Variants in KCNH7 observed in about 807,000 individuals in gnomAD.
KCNH7 encodes potassium voltage-gated channel subfamily H member 7.
In KCNH7, 49 loss-of-function variants were observed where a neutral mutation model predicts 120.8. That is an observed-to-expected ratio of 0.41 (90% confidence interval 0.32 to 0.51). KCNH7 has a LOEUF of 0.51. Among genes scored for constraint, KCNH7 ranks in the 20% least tolerant of loss-of-function variants. The pLI is 0.38. For missense variants in KCNH7, 1,097 were observed against 1,446.6 expected, an observed-to-expected ratio of 0.76 and a Z score of 3.92; for synonymous variants, 547 against 516.1, an observed-to-expected ratio of 1.06 and a Z score of -0.81.
chr2:162,676,877 G>A (rs1331603280), intron 2 of KCNH7, among the ~76,000 whole-genome samples: 1 of 151,228 alleles, frequency 6.6e-6, no homozygotes, highest in African/African-American at 2.4e-5. Context: ...GCTTCCCTGG[G>A]AAATATTACT....
chr2:162,399,857 G>A (rs1291927560), intron 10 of KCNH7, among the ~76,000 whole-genome samples: 2 of 151,696 alleles, frequency 1.3e-5, no homozygotes, highest in East Asian at 3.9e-4. Context: ...AGGTGTTGAG[G>A]GATCAAGCAT....
intron 2 of KCNH7, among the ~76,000 whole-genome samples, chr2:162,539,549 T>A (rs1401048881): frequency 1.3e-5 from 2 of 152,096 alleles, no homozygotes; most frequent in Admixed American, 1.3e-4. Context: ...GAAAATTTAC[T>A]GTCTAAATCA....
chr2:162,803,403 T>C (rs1684417577), intron 2 of KCNH7, among the ~76,000 whole-genome samples: 1 of 151,718 alleles, frequency 6.6e-6, no homozygotes, highest in Non-Finnish European at 1.5e-5. Context: ...GTGTGAAATA[T>C]TTTAATGTAT....
intron 2 of KCNH7, among the ~76,000 whole-genome samples, chr2:162,646,015 T>C (rs1457892302): frequency 3.3e-5 from 5 of 152,180 alleles, no homozygotes; most frequent in Admixed American, 6.5e-5. Flanking sequence ...GTGAAATCTA[T>C]AGGGGCTTGA....
chr2:162,423,829 G>A (rs756989466), intron 8 of KCNH7, among the ~76,000 whole-genome samples: 2 of 152,010 alleles, frequency 1.3e-5, no homozygotes, highest in Non-Finnish European at 2.9e-5. Flanking sequence ...AAATGCATTT[G>A]AAATAAACCC....
At chr2:162,449,036 G>C (rs1258930721) in intron 6 of KCNH7, among the ~76,000 whole-genome samples, 1 of 151,962 alleles carries the variant, frequency 6.6e-6, no homozygotes, top group Non-Finnish European at 1.5e-5. Flanking sequence ...GGAAGGGAAG[G>C]ATATTACAAG....
intron 2 of KCNH7, among the ~76,000 whole-genome samples, chr2:162,602,075 C>T (rs569965756): frequency 6.6e-6 from 1 of 152,104 alleles, no homozygotes; most frequent in South Asian, 2.1e-4. Context: ...AGAGGACCCA[C>T]ATAGGAGAAT....
chr2:162,486,893 C>G (rs771644295), intron 6 of KCNH7, among the ~76,000 whole-genome samples: 29 of 152,032 alleles, frequency 1.9e-4, no homozygotes, highest in Non-Finnish European at 3.4e-4. Context: ...ATTTTTAGAA[C>G]CTTAAACATG....
In KCNH7 at chr2:162,605,345, T is replaced by C. The variant is rs375722619; in HGVS notation, c.308-68265A>G. ...ATTAATTACTGTCACAGACTACATG[T>C]TAGGCTAGAGTTCACCTTTAGAAAG... On this transcript the variant is annotated intron_variant, in intron 2 of 15. Transcript: ENST00000332142. 3.9e-5 allele frequency among the ~76,000 whole-genome samples: 6 copies of C among 152,250 alleles called. No homozygotes were observed. The East Asian group carries it at 1.2e-3, about 29-fold the overall frequency.
At chr2:162,758,603 A>T (rs1688868076) in intron 2 of KCNH7, among the ~76,000 whole-genome samples, 1 of 152,092 alleles carries the variant, frequency 6.6e-6, no homozygotes, top group Non-Finnish European at 1.5e-5. Flanking sequence ...CTACATATAC[A>T]TGTATATATA....
intron 6 of KCNH7, among the ~76,000 whole-genome samples, chr2:162,486,684 T>C (rs964979178): frequency 1.3e-5 from 2 of 152,164 alleles, no homozygotes; most frequent in Non-Finnish European, 2.9e-5. Context: ...TTCTAACATA[T>C]TCATGTTTGA....
intron 2 of KCNH7, among the ~76,000 whole-genome samples, chr2:162,743,987 A>G (rs1688226752): frequency 6.6e-6 from 1 of 152,180 alleles, no homozygotes; most frequent in Non-Finnish European, 1.5e-5. Context: ...ATTTCAAGAT[A>G]TTTTACAGAC....
At chr2:162,523,279 C>T (rs182533465) in intron 3 of KCNH7, among the ~76,000 whole-genome samples, 1 of 151,942 alleles carries the variant, frequency 6.6e-6, no homozygotes, top group East Asian at 2.0e-4. Context: ...AGTTGAATAA[C>T]TAACTCACCC....
intron 2 of KCNH7, among the ~76,000 whole-genome samples, chr2:162,624,889 G>GTTTTTTTTTT (rs66562676): frequency 1.4e-5 from 1 of 69,714 alleles, no homozygotes; most frequent in African/African-American, 6.4e-5. Flanking sequence ...TGCACTCTTG[G>GTTTTTTTTTT]TTTTTTTTTT....
chr2:162,712,828 G>C (rs1387057406), intron 2 of KCNH7, among the ~76,000 whole-genome samples: 1 of 152,120 alleles, frequency 6.6e-6, no homozygotes, highest in African/African-American at 2.4e-5. Flanking sequence ...ACTGAGCTTT[G>C]CTAGGCAGAA....
intron 6 of KCNH7, among the ~76,000 whole-genome samples, chr2:162,476,090 A>T (rs1689732049): frequency 1.3e-5 from 2 of 152,168 alleles, no homozygotes; most frequent in Admixed American, 6.5e-5. Flanking sequence ...CCTTGTCCGG[A>T]ACATTTAGAA....
At chr2:162,832,148 A>G (rs886364321) in intron 2 of KCNH7, among the ~76,000 whole-genome samples, 22 of 152,144 alleles carry the variant, frequency 1.4e-4, no homozygotes, top group African/African-American at 5.1e-4. Flanking sequence ...AAATGTATAA[A>G]CAGAAAGTTA....
intron 8 of KCNH7, among the ~76,000 whole-genome samples, chr2:162,430,216 T>G (rs912455886): frequency 3.9e-5 from 6 of 152,022 alleles, no homozygotes; most frequent in African/African-American, 1.4e-4. Context: ...TAATAAGGGT[T>G]TTCCTTTCTG....
chr2:162,589,794 T>C (rs1694146655), intron 2 of KCNH7, among the ~76,000 whole-genome samples: 1 of 152,150 alleles, frequency 6.6e-6, no homozygotes, highest in African/African-American at 2.4e-5. Context: ...CTTGGGTGGC[T>C]TCTAATACAA....
Sources: gnomAD v4.1 joint callset for allele counts (sites outside exome capture counted in the v4.1 genomes callset) on GRCh38, gnomAD v4.1.1 for gene constraint, MANE v1.5 for transcripts, NCBI Gene and HGNC (gene_info 2026-07-23, HGNC 2026-07-21) for gene names.